BLNK: variants seen among roughly 807,000 people sequenced by gnomAD.
The protein encoded by BLNK is B cell linker, also known as B-cell linker protein.
In BLNK, 29 loss-of-function variants were observed where a neutral mutation model predicts 73.5. The ratio of observed to expected loss-of-function variants is 0.39; its 90% CI spans 0.29 to 0.54. The LOEUF (loss-of-function observed/expected upper bound fraction) is 0.54, where lower values mean the gene tolerates loss of function less well. Among genes scored for constraint, BLNK ranks in the 20% least tolerant of loss-of-function variants. BLNK has a pLI of 0.61. For synonymous variants in BLNK, 176 were observed against 200.8 expected, an observed-to-expected ratio of 0.88 and a Z score of 1.04; for missense variants, 460 against 562.8, an observed-to-expected ratio of 0.82 and a Z score of 1.85.
intron 1 of BLNK, among the ~76,000 whole-genome samples, chr10:96,255,967 T>C (rs1843490060): frequency 6.6e-6 from 1 of 152,194 alleles, no homozygotes; most frequent in South Asian, 2.1e-4. Context: ...TCCATGCCCA[T>C]ATAGAAATTT....
intron 6 of BLNK, 56 bp downstream of exon 6, chr10:96,223,770 C>A (rs10882746): frequency 6.2e-7 from 1 of 1,600,078 alleles, no homozygotes; most frequent in South Asian, 1.1e-5. Context: ...CTGTCCTGGT[C>A]GCTTGCCCCA....
At chr10:96,210,778 TCTCTTCATGAGG>T (rs1432457782) in intron 8 of BLNK, among the ~76,000 whole-genome samples, 1 of 151,946 alleles carries the variant, frequency 6.6e-6, no homozygotes, top group Non-Finnish European at 1.5e-5. Context: ...GACCAAGGGG[TCTCTTCATGAGG>T]CTCTTCATTA....
chr10:96,219,878 T>C (rs2134010478), intron 6 of BLNK, among the ~76,000 whole-genome samples: 1 of 152,222 alleles, frequency 6.6e-6, no homozygotes, highest in South Asian at 2.1e-4. Flanking sequence ...CTTGCATGGG[T>C]GAATGCTGGC....
intron 6 of BLNK, among the ~76,000 whole-genome samples, chr10:96,222,289 G>C (rs1003598221): frequency 6.6e-6 from 1 of 152,130 alleles, no homozygotes; most frequent in South Asian, 2.1e-4. Flanking sequence ...TCCATCTCCT[G>C]CTGGGCTGCA....
In BLNK at chr10:96,189,740, C is replaced by T; in HGVS notation, c.*2233G>A. The T allele has an allele frequency of 1.4e-6, 1 of 732,172 alleles. No individual in the cohort carries two copies. Among genetic ancestry groups the T allele is most frequent in the Non-Finnish European group, 2.5e-6 (1 of 401,804 alleles). 45.4% of individuals were successfully genotyped at this position (732,172 alleles called of 1,614,324 possible). ...TCATCATCATCATCATCATCTTCAT[C>T]AGCAGCAAGTTTTACTTTTATTCTC... On this transcript the variant is annotated 3_prime_UTR_variant, in exon 17 of 17. Transcript: ENST00000224337.
At chr10:96,226,514 C>T (rs929409557) in intron 5 of BLNK, among the ~76,000 whole-genome samples, 14 of 152,272 alleles carry the variant, frequency 9.2e-5, no homozygotes, top group African/African-American at 3.1e-4. Context: ...AACTTAGTCA[C>T]CTGCCAAGAC....
At chr10:96,222,957 A>G (rs2084232993) in intron 6 of BLNK, among the ~76,000 whole-genome samples, 1 of 152,160 alleles carries the variant, frequency 6.6e-6, no homozygotes, top group African/African-American at 2.4e-5. Context: ...GTCTCTCTAA[A>G]ATAATAATTG....
intron 3 of BLNK, among the ~76,000 whole-genome samples, chr10:96,237,477 C>T (rs926223767): frequency 7.2e-5 from 11 of 152,112 alleles, no homozygotes; most frequent in Non-Finnish European, 1.0e-4. Context: ...CCCATCAGAG[C>T]CCTGGACATC....
intron 13 of BLNK, chr10:96,203,542 G>C (rs1161849871): frequency 6.6e-6 from 1 of 152,224 alleles, no homozygotes; most frequent in Non-Finnish European, 1.5e-5. Context: ...TACGTTCTGT[G>C]AGCCTGACTT....
chr10:96,258,519 T>C (rs1554911808), intron 1 of BLNK, among the ~76,000 whole-genome samples: 1 of 152,232 alleles, frequency 6.6e-6, no homozygotes, highest in Admixed American at 6.5e-5. Context: ...CTGAGATTAA[T>C]TTAGTTGAGG....
chr10:96,194,340 T>G (rs1304564941), intron 16 of BLNK, among the ~76,000 whole-genome samples: 7 of 152,298 alleles, frequency 4.6e-5, no homozygotes, highest in African/African-American at 1.7e-4. Context: ...AGTTTTGCAT[T>G]TTAAAATTAT....
chr10:96,232,287 C>T (rs1448032342), intron 3 of BLNK, among the ~76,000 whole-genome samples: 4 of 117,860 alleles, frequency 3.4e-5, no homozygotes, highest in African/African-American at 1.1e-4. Flanking sequence ...AGAACCTTTT[C>T]TAGTTTTATT....
chr10:96,236,858 G>A (rs1842708329), intron 3 of BLNK, among the ~76,000 whole-genome samples: 1 of 151,872 alleles, frequency 6.6e-6, no homozygotes, highest in Admixed American at 6.6e-5. Context: ...TATCATCGTA[G>A]AAACTCCCTT....
intron 1 of BLNK, among the ~76,000 whole-genome samples, chr10:96,252,807 G>T (rs1843340383): frequency 6.6e-6 from 1 of 152,154 alleles, no homozygotes; most frequent in Non-Finnish European, 1.5e-5. Context: ...CCATGGTCGG[G>T]ACCATTTTGC....
At chr10:96,260,204 G>A (rs1184421284) in intron 1 of BLNK, among the ~76,000 whole-genome samples, 3 of 152,172 alleles carry the variant, frequency 2.0e-5, no homozygotes, top group Non-Finnish European at 4.4e-5. Context: ...AGACTCCTGT[G>A]TTCATAGATG....
intron 6 of BLNK, among the ~76,000 whole-genome samples, chr10:96,220,951 C>T (rs2084183589): frequency 6.6e-6 from 1 of 152,210 alleles, no homozygotes; most frequent in African/African-American, 2.4e-5. Context: ...TCGGCTCATA[C>T]CCTATTACTT....
intron 1 of BLNK, among the ~76,000 whole-genome samples, chr10:96,266,075 C>G (rs917484753): frequency 6.6e-6 from 1 of 152,240 alleles, no homozygotes; most frequent in African/African-American, 2.4e-5. Context: ...TTCCCTAGAA[C>G]AAGCTATCCT....
intron 1 of BLNK, among the ~76,000 whole-genome samples, chr10:96,268,177 A>G (rs1477728265): frequency 6.6e-6 from 1 of 152,212 alleles, no homozygotes; most frequent in Non-Finnish European, 1.5e-5. Flanking sequence ...TTATGCTACA[A>G]AGAAAAATAC....
intron 5 of BLNK, 139 bp from the exon 6 acceptor site, chr10:96,224,128 A>G: frequency 2.0e-6 from 2 of 1,018,160 alleles, no homozygotes; most frequent in South Asian, 3.2e-5. Flanking sequence ...TCCTTGAAAG[A>G]GTAAAGTGAA....
Sources: allele counts gnomAD v4.1 joint callset (sites outside exome capture counted in the v4.1 genomes callset), GRCh38; gene constraint gnomAD v4.1.1; transcripts MANE v1.5; gene names NCBI Gene and HGNC (gene_info 2026-07-23, HGNC 2026-07-21).